KLHL4: variants seen among roughly 807,000 people sequenced by gnomAD.
The protein encoded by KLHL4 is kelch-like protein 4.
In KLHL4, 17 loss-of-function variants were observed where a neutral mutation model predicts 45.8. The ratio of observed to expected loss-of-function variants is 0.37; its 90% CI spans 0.25 to 0.56. KLHL4 has a LOEUF of 0.56. Among genes scored for constraint, KLHL4 ranks in the 20% least tolerant of loss-of-function variants. KLHL4 has a pLI of 0.79. For missense variants in KLHL4, 544 were observed against 544.9 expected, an observed-to-expected ratio of 1.00 and a Z score of 0.02; for synonymous variants, 224 against 189.9, an observed-to-expected ratio of 1.18 and a Z score of -1.47.
intron 1 of KLHL4, among the ~76,000 whole-genome samples, chrX:87,527,407 C>T (rs777796465): frequency 4.2e-4 from 47 of 111,559 alleles, no homozygotes; most frequent in Non-Finnish European, 7.5e-4. Flanking sequence ...CACATGGGTG[C>T]CTGCAGCACC....
intron 1 of KLHL4, among the ~76,000 whole-genome samples, chrX:87,586,562 C>G (rs892284809): frequency 9.0e-6 from 1 of 110,869 alleles, no homozygotes; most frequent in Non-Finnish European, 1.9e-5. Flanking sequence ...TGGAAATTAA[C>G]AAATTTCTTG....
chrX:87,593,141 T>C (rs1243990566), intron 1 of KLHL4, among the ~76,000 whole-genome samples: 3 of 111,892 alleles, frequency 2.7e-5, no homozygotes, highest in African/African-American at 9.7e-5. Flanking sequence ...TCTTTACTTT[T>C]CAACATTTTG....
intron 1 of KLHL4, among the ~76,000 whole-genome samples, chrX:87,582,364 G>A (rs990252977): frequency 6.3e-5 from 7 of 111,591 alleles, no homozygotes; most frequent in Non-Finnish European, 1.3e-4. Flanking sequence ...TTGTTGCTGC[G>A]AGCCTGTCTG....
At chrX:87,599,626 G>GA (rs376659724) in intron 1 of KLHL4, among the ~76,000 whole-genome samples, 2 of 104,897 alleles carry the variant, frequency 1.9e-5, no homozygotes, top group African/African-American at 7.1e-5. Context: ...TTAGGAATCA[G>GA]AAAAAAATAG....
At chrX:87,632,651 A>C (rs1318710864) in intron 7 of KLHL4, among the ~76,000 whole-genome samples, 1 of 111,490 alleles carries the variant, frequency 9.0e-6, no homozygotes, top group Non-Finnish European at 1.9e-5. Context: ...AAGGGGTTTC[A>C]TTCTAAAAAG....
Position 87,543,596 on chromosome X carries a change from T to C in KLHL4, c.422+25281T>C, listed in dbSNP as rs186169815. 9.3e-4 allele frequency among the ~76,000 whole-genome samples: 103 copies of C among 111,148 alleles called. 1 individual carries two copies. Among genetic ancestry groups the C allele is most frequent in the Admixed American group, 2.3e-3 (24 of 10,447 alleles). On this transcript the variant is annotated intron_variant, in intron 1 of 10. Transcript: ENST00000373119. ...TTATAAGGCATTGAACTCACTGTTG[T>C]TTTGTTAGAGTACAAAGGAAACCCA...
At chrX:87,653,118 C>A (rs1212176975) in intron 9 of KLHL4, among the ~76,000 whole-genome samples, 2 of 111,711 alleles carry the variant, frequency 1.8e-5, no homozygotes, top group Non-Finnish European at 3.8e-5. Context: ...CTGGGTCTTT[C>A]CCACAACACG....
chrX:87,614,532 C>G lies in KLHL4; in HGVS notation c.689C>G (p.Pro230Arg). The change falls in exon 3 of 11, where the codon CCA becomes CGA. Residue 230 changes from proline to arginine, a missense_variant. Transcript: ENST00000373119. ...QEEVRMEGVD[P>R]NALNSLVQYA... Reference sequence around the variant, plus strand: ...GAGGTCAGGATGGAAGGAGTAGATCCAAATGCACTAAATTCCTTGGTGCAG... The same window carrying G: ...GAGGTCAGGATGGAAGGAGTAGATCGAAATGCACTAAATTCCTTGGTGCAG... 5.8e-6 allele frequency: 7 copies of G among 1,208,291 alleles called. No homozygotes were observed. Among genetic ancestry groups the G allele is most frequent in the Non-Finnish European group, 7.8e-6 (7 of 893,382 alleles).
At chrX:87,547,156 G>T (rs1367796272) in intron 1 of KLHL4, among the ~76,000 whole-genome samples, 1 of 111,569 alleles carries the variant, frequency 9.0e-6, no homozygotes, top group South Asian at 3.8e-4. Context: ...TTGGCTTTGT[G>T]TCCCCATCCA....
intron 1 of KLHL4, among the ~76,000 whole-genome samples, chrX:87,553,969 T>A (rs1180649240): frequency 9.2e-6 from 1 of 109,208 alleles, no homozygotes; most frequent in Non-Finnish European, 1.9e-5. Context: ...CATTTTTAAA[T>A]AGGGAATCCT....
At chrX:87,524,603 A>G (rs764786174) in intron 1 of KLHL4, among the ~76,000 whole-genome samples, 3 of 111,562 alleles carry the variant, frequency 2.7e-5, no homozygotes, top group Non-Finnish European at 3.8e-5. Context: ...GTATTATCAA[A>G]AAAGAAAATC....
intron 1 of KLHL4, among the ~76,000 whole-genome samples, chrX:87,589,877 A>C: frequency 3.0e-5 from 1 of 33,754 alleles, no homozygotes; most frequent in Non-Finnish European, 5.2e-5. Flanking sequence ...TAAAAATACA[A>C]AAAAAAAAAA....
chrX:87,583,155 C>T (rs1429280862), intron 1 of KLHL4, among the ~76,000 whole-genome samples: 2 of 111,983 alleles, frequency 1.8e-5, no homozygotes, highest in Non-Finnish European at 3.8e-5. Flanking sequence ...TTAATTGGTG[C>T]GTTTTTACAG....
rs192897998 is a variant in KLHL4, at chrX:87,532,875, C to T, written c.422+14560C>T. ...TTTGCAAGGAAAAAACAAACAACCC[C>T]ATCAAAAAGTGGGCAAAGGACATGA... On this transcript the variant is annotated intron_variant, in intron 1 of 10. Transcript: ENST00000373119. Among the ~76,000 whole-genome samples, 959 of 110,696 alleles carry T rather than the reference C, an allele frequency of 8.7e-3. 6 individuals are homozygous for T. The highest frequency in any genetic ancestry group is 0.03 in the African/African-American group (908 of 30,413).
At chrX:87,587,866 C>T (rs1451474433) in intron 1 of KLHL4, among the ~76,000 whole-genome samples, 1 of 111,113 alleles carries the variant, frequency 9.0e-6, no homozygotes, top group Non-Finnish European at 1.9e-5. Flanking sequence ...TCAAATTATC[C>T]TTTTTTGTGC....
At chrX:87,538,215 A>G (rs192743180) in intron 1 of KLHL4, among the ~76,000 whole-genome samples, 49 of 111,664 alleles carry the variant, frequency 4.4e-4, no homozygotes, top group Non-Finnish European at 8.9e-4. Context: ...TTCCTTCAAG[A>G]AAGTGTCTCC....
intron 6 of KLHL4, 51 bp from the exon 7 acceptor site, chrX:87,632,159 C>A (rs992948981): frequency 1.3e-6 from 1 of 795,839 alleles, no homozygotes; most frequent in Non-Finnish European, 1.9e-6. Flanking sequence ...AATACCAATT[C>A]AAAATTTCAA....
At chrX:87,610,305 C>A (rs1922329574) in intron 1 of KLHL4, among the ~76,000 whole-genome samples, 1 of 112,207 alleles carries the variant, frequency 8.9e-6, no homozygotes, top group African/African-American at 3.2e-5. Flanking sequence ...TAGTTCTGTT[C>A]AGGCACTAAG....
intron 6 of KLHL4, among the ~76,000 whole-genome samples, chrX:87,626,606 C>A (rs1405379732): frequency 9.6e-6 from 1 of 104,077 alleles, no homozygotes; most frequent in African/African-American, 3.5e-5. Context: ...TGGAGGCCCA[C>A]AAGGAATTTC....
Sources: allele counts gnomAD v4.1 joint callset (sites outside exome capture counted in the v4.1 genomes callset), GRCh38; gene constraint gnomAD v4.1.1; transcripts MANE v1.5; gene names NCBI Gene and HGNC (gene_info 2026-07-23, HGNC 2026-07-21).